Variants in MED17 observed in about 807,000 individuals in gnomAD.
The protein encoded by MED17 is mediator of RNA polymerase II transcription subunit 17.
In MED17, 49 loss-of-function variants were observed where a neutral mutation model predicts 80.8. The observed-to-expected ratio is 0.61, with a 90% CI of 0.48 to 0.77. The LOEUF is 0.77. Ranked by LOEUF, MED17 falls within the 30% of genes least tolerant of loss-of-function variation. MED17 has a pLI of 0.00. For synonymous variants in MED17, 281 were observed against 280.4 expected (o/e 1.00, Z -0.02); for missense variants, 718 against 787.0 (o/e 0.91, Z 1.05).
At position 93,803,228 on chromosome 11, in the gene MED17, G is replaced by A. The variant is rs1943981540; in HGVS notation, c.1466+1256G>A. Reference sequence around the variant, plus strand: ...AAAATAACGACCCTTAGGAGTAGGGGCAGAAAAATACATTTATAATGCTAT... The same window carrying A: ...AAAATAACGACCCTTAGGAGTAGGGACAGAAAAATACATTTATAATGCTAT... On this transcript the variant is annotated intron_variant, in intron 9 of 11. Transcript: ENST00000251871. Among the ~76,000 whole-genome samples, 6 of 152,246 alleles carry A rather than the reference G, an allele frequency of 3.9e-5. No homozygotes were observed. In the South Asian group the frequency reaches 1.2e-3, roughly 32 times the overall value.
chr11:93,813,122 C>G lies in MED17; in HGVS notation c.*1058C>G, dbSNP rs183774901. ...CTTGGAAAAAGTGCCTAAAGTGTGC[C>G]CATTAATATGAGGATAGATTTAGGC... is the stretch of plus-strand genomic sequence containing the variant. On this transcript the variant is annotated 3_prime_UTR_variant, in exon 12 of 12. Coordinates refer to ENST00000251871, the MANE Select transcript of MED17 (RefSeq NM_004268.5). 4.6e-5 allele frequency: 7 copies of G among 152,250 alleles called. No homozygotes were observed. The highest frequency in any genetic ancestry group is 4.6e-4 in the Admixed American group (7 of 15,292). 9.4% of individuals were successfully genotyped at this position (152,250 alleles called of 1,614,324 possible). A position where few individuals can be genotyped will look rare whatever the true frequency, so the allele number is the denominator to read the frequency against.
intron 9 of MED17, among the ~76,000 whole-genome samples, chr11:93,804,199 C>G (rs1224111165): frequency 6.6e-6 from 1 of 151,814 alleles, no homozygotes; most frequent in East Asian, 1.9e-4. Flanking sequence ...GGGCAAGAAG[C>G]ATCCAGCACG....
At chr11:93,794,151 A>C (rs2135713336) in intron 5 of MED17, 116 bp downstream of exon 5, 8 of 826,304 alleles carry the variant, frequency 9.7e-6, no homozygotes, top group South Asian at 4.5e-5. Context: ...AACAATTCAA[A>C]ATATACTTCT....
chr11:93,793,526 TAA>T, intron 3 of MED17, 200 bp from the exon 4 acceptor site: 1 of 506,870 alleles, frequency 2.0e-6, no homozygotes, highest in Non-Finnish European at 3.5e-6. Context: ...TTTTTTTTTT[TAA>T]GGTAAATAAC....
At chr11:93,796,960 T>C (rs1943910228) in intron 7 of MED17, 1 of 233,206 alleles carries the variant, frequency 4.3e-6, no homozygotes, top group South Asian at 6.3e-5. Context: ...GAATATCCTG[T>C]GAAATTTCAT....
chr11:93,798,045 G>A (rs1943923033), intron 8 of MED17, among the ~76,000 whole-genome samples: 1 of 152,274 alleles, frequency 6.6e-6, no homozygotes, highest in East Asian at 1.9e-4. Context: ...TCTTTTTCTT[G>A]AGGGTTTCTG....
intron 1 of MED17, 36 bp downstream of exon 1, chr11:93,784,799 T>C: frequency 2.6e-6 from 4 of 1,533,462 alleles, no homozygotes; most frequent in Non-Finnish European, 3.5e-6. Flanking sequence ...TCCCCCGGTC[T>C]GGGTCCCAGC....
chr11:93,810,113 A>G, intron 11 of MED17: 1 of 497,688 alleles, frequency 2.0e-6, no homozygotes, highest in Non-Finnish European at 3.6e-6. Context: ...AGATAGTCTG[A>G]AAAGTATCAT....
chr11:93,800,628 CAAA>C (rs35380211), intron 8 of MED17: 70 of 115,952 alleles, frequency 6.0e-4, no homozygotes, highest in Admixed American at 7.0e-4. Flanking sequence ...GACTTTGTCT[CAAA>C]AAAAAAAAAA....
intron 8 of MED17, among the ~76,000 whole-genome samples, chr11:93,799,754 G>A (rs920703969): frequency 2.0e-5 from 3 of 152,186 alleles, no homozygotes; most frequent in African/African-American, 4.8e-5. Context: ...CTCCAGTTGG[G>A]ATGACAGAGT....
chr11:93,807,689 A>T, intron 10 of MED17, 54 bp downstream of exon 10: 1 of 1,043,452 alleles, frequency 9.6e-7, no homozygotes, highest in Non-Finnish European at 1.5e-6. Context: ...CTACTTAAAG[A>T]ACAAATTGGT....
Position 93,796,497 on chromosome 11 carries a change from A to G in MED17, c.1100A>G (p.His367Arg), listed in dbSNP as rs1565290805. 1.2e-6 allele frequency: 2 copies of G among 1,613,964 alleles called. No individual in the cohort carries two copies. Among genetic ancestry groups the G allele is most frequent in the Admixed American group, 3.3e-5 (2 of 60,008 alleles). Residue 367 changes from histidine (H) to arginine (R), a missense_variant, in exon 7 of 12, where the codon CAC (histidine) becomes CGC (arginine). Transcript: ENST00000251871. ...ACTGAGAAGCAATGTCCGGAGGACC[A>G]CCTTTATGTCCTAGAGCATAATTTG... Reference protein sequence around the residue: ...FATEKQCPEDHLYVLEHNLHL... With the variant: ...FATEKQCPEDRLYVLEHNLHL...
At chr11:93,786,758 T>C (rs1418149486) in intron 1 of MED17, among the ~76,000 whole-genome samples, 2 of 152,158 alleles carry the variant, frequency 1.3e-5, no homozygotes, top group East Asian at 3.9e-4. Flanking sequence ...CCTGAGCCAC[T>C]GCACCCAGCC....
In MED17 at chr11:93,788,031, C is replaced by G. The variant is rs1350914266; in HGVS notation, c.281C>G (p.Pro94Arg). 6.2e-7 allele frequency: 1 copy of G among 1,613,790 alleles called. No homozygotes were observed. The highest frequency in any genetic ancestry group is 2.2e-5 in the East Asian group (1 of 44,852). ...GTAAAATTTCAGCCTTCCCTTTGGC[C>G]TTGGGACTCAGTGAGGAACAATTTG... The part of the protein sequence containing the change: ...GVVKFQPSLW[P>R]WDSVRNNLRS... The change falls in exon 2 of 12, where the codon CCT becomes CGT. Residue 94 changes from proline (P) to arginine (R), a missense_variant. By Grantham distance (103) the Pro-to-Arg change is moderately radical. Transcript: ENST00000251871.
intron 3 of MED17, 83 bp downstream of exon 3, chr11:93,790,876 G>T (rs1943828270): frequency 8.2e-7 from 1 of 1,222,118 alleles, no homozygotes; most frequent in South Asian, 1.2e-5. Context: ...GAAGGCCAAG[G>T]CAGTTGGATC....
intron 9 of MED17, among the ~76,000 whole-genome samples, chr11:93,804,587 G>A (rs971746754): frequency 8.6e-5 from 13 of 152,026 alleles, no homozygotes; most frequent in African/African-American, 2.7e-4. Flanking sequence ...TCCTGTAACC[G>A]ACCTCTCTTT....
chr11:93,799,213 A>G (rs1943936122), intron 8 of MED17, among the ~76,000 whole-genome samples: 1 of 139,024 alleles, frequency 7.2e-6, no homozygotes, highest in Non-Finnish European at 1.5e-5. Flanking sequence ...ACGAAGTCTC[A>G]CTGTGTCACC....
intron 8 of MED17, chr11:93,801,619 A>G: frequency 1.9e-6 from 1 of 535,768 alleles, no homozygotes; most frequent in Non-Finnish European, 3.3e-6. Context: ...GTGTGTGATG[A>G]GAGTGTATTG....
intron 9 of MED17, among the ~76,000 whole-genome samples, chr11:93,805,130 T>A (rs1278157607): frequency 1.3e-5 from 2 of 152,238 alleles, no homozygotes; most frequent in East Asian, 3.8e-4. Flanking sequence ...AGCACATAGA[T>A]CTACCTCATT....
Sources: gnomAD v4.1 joint callset for allele counts (sites outside exome capture counted in the v4.1 genomes callset) on GRCh38, gnomAD v4.1.1 for gene constraint, MANE v1.5 for transcripts, NCBI Gene and HGNC (gene_info 2026-07-23, HGNC 2026-07-21) for gene names.